FREM2: variants seen among roughly 807,000 people sequenced by gnomAD.
The protein encoded by FREM2 is FRAS1 related extracellular matrix 2.
In FREM2, 119 loss-of-function variants were observed where a neutral mutation model predicts 219.9. That is an observed-to-expected ratio of 0.54 (90% CI 0.47 to 0.63). The LOEUF (loss-of-function observed/expected upper bound fraction) is 0.63. Ranked by LOEUF, FREM2 falls within the 30% of genes least tolerant of loss-of-function variation. The probability of loss-of-function intolerance (pLI) is 0.00; values close to 1 mark genes in which losing one functional copy is unlikely to be tolerated. For synonymous variants in FREM2, 1,562 were observed against 1,522.8 expected (o/e 1.03, Z -0.60); for missense variants, 4,030 against 3,993.6 (o/e 1.01, Z -0.25).
In FREM2 at chr13:38,833,654, C is replaced by T. The variant is rs148624218; in HGVS notation, c.6020-12919C>T. ...CTAGCATATTTTATTGATTTCTTTGCTCAACAGAATTTCTTACATTTTGAG... is the reference window on the plus strand; with the variant it reads ...CTAGCATATTTTATTGATTTCTTTGTTCAACAGAATTTCTTACATTTTGAG... On this transcript the variant is annotated intron_variant, in intron 6 of 23. Coordinates refer to ENST00000280481, the MANE Select transcript of FREM2 (RefSeq NM_207361.6). Among the ~76,000 whole-genome samples, 1,063 of 152,232 alleles carry T rather than the reference C, an allele frequency of 7.0e-3. 15 individuals carry two copies. Among genetic ancestry groups the T allele is most frequent in the African/African-American group, 0.025 (1,030 of 41,548 alleles).
chr13:38,781,152 C>T (rs948917587), intron 4 of FREM2, among the ~76,000 whole-genome samples: 5 of 152,224 alleles, frequency 3.3e-5, no homozygotes, highest in African/African-American at 1.2e-4. Flanking sequence ...TTAGGCTCTC[C>T]TTCTTGTCCA....
In FREM2 at chr13:38,865,260, T is replaced by TAC. The variant is rs148849553; in HGVS notation, c.7983+664_7983+665dup. Among the ~76,000 whole-genome samples the TAC allele has an allele frequency of 5.2e-3, 784 of 152,182 alleles. 32 individuals carry two copies. In the East Asian group the frequency reaches 0.11, roughly 20 times the overall value. ...TACACATTCACACATAAAATACACA[T>TAC]ACACACACACAATCCTCACCCCCAC... On this transcript the variant is annotated intron_variant, in intron 16 of 23. Transcript: ENST00000280481.
At position 38,688,428 on chromosome 13, in the gene FREM2, C is replaced by T. The variant is rs773403483; in HGVS notation, c.1084C>T (p.Pro362Ser). Residue 362 changes from proline (P) to serine (S), a missense_variant, in exon 1 of 24, where the codon CCA becomes TCA. Physicochemically the swap from Pro to Ser is moderately conservative, Grantham distance 74. Coordinates refer to ENST00000280481, the MANE Select transcript of FREM2 (RefSeq NM_207361.6). ...SDLLIFNLTSPFQPGQGYLVS... is the reference protein window; with the variant it reads ...SDLLIFNLTSSFQPGQGYLVS... ...CCTGTTGATCTTCAACCTTACTTCT[C>T]CATTCCAGCCTGGCCAGGGCTACTT... 6.2e-7 allele frequency: 1 copy of T among 1,614,016 alleles called. No homozygotes were observed. The highest frequency in any genetic ancestry group is 8.5e-7 in the Non-Finnish European group (1 of 1,179,930).
chr13:38,706,359 A>G (rs1283013984), intron 2 of FREM2, among the ~76,000 whole-genome samples: 3 of 152,194 alleles, frequency 2.0e-5, no homozygotes, highest in Non-Finnish European at 2.9e-5. Flanking sequence ...GCTTTGTTAT[A>G]TAGAGAATGA....
At chr13:38,837,059 G>A (rs9548474) in intron 6 of FREM2, among the ~76,000 whole-genome samples, 21,505 of 152,026 alleles carry the variant, frequency 0.14, 1,753 homozygotes, top group Admixed American at 0.24. Context: ...GACCTTTCCC[G>A]CTTTCTTCTG....
chr13:38,837,617 G>A (rs986613190), intron 6 of FREM2, among the ~76,000 whole-genome samples: 12 of 152,118 alleles, frequency 7.9e-5, no homozygotes, highest in African/African-American at 2.9e-4. Context: ...ATGAATCTGA[G>A]TGCTCCTGTA....
chr13:38,807,859 A>G (rs1875310836), intron 6 of FREM2, among the ~76,000 whole-genome samples: 1 of 151,970 alleles, frequency 6.6e-6, no homozygotes, highest in South Asian at 2.1e-4. Context: ...TTCAACCTAA[A>G]GTTACCAGCT....
chr13:38,874,474 C>T lies in FREM2; in HGVS notation c.8177-8C>T. 4 of 1,609,086 alleles carry T rather than the reference C, an allele frequency of 2.5e-6. No homozygotes were observed. Among genetic ancestry groups the T allele is most frequent in the East Asian group, 2.2e-5 (1 of 44,844 alleles). On this transcript the variant is annotated splice_region_variant and splice_polypyrimidine_tract_variant and intron_variant, in intron 17 of 23. Transcript: ENST00000280481. ...ATATTTTCATTCTTGGTACTCTCCC[C>T]ATTATAGGTTCTCTCTATCCAACCA... is the stretch of plus-strand genomic sequence containing the variant.
intron 2 of FREM2, among the ~76,000 whole-genome samples, chr13:38,723,819 G>T (rs527696843): frequency 2.6e-5 from 4 of 152,160 alleles, no homozygotes; most frequent in Non-Finnish European, 5.9e-5. Flanking sequence ...GAGCTTTATG[G>T]TTTGTAGCTT....
chr13:38,774,072 C>A (rs1174604468), intron 4 of FREM2, among the ~76,000 whole-genome samples: 1 of 151,774 alleles, frequency 6.6e-6, no homozygotes, highest in Non-Finnish European at 1.5e-5. Flanking sequence ...GTTCTTCTAT[C>A]ATTTTACATG....
chr13:38,718,217 C>T (rs918633135), intron 2 of FREM2, among the ~76,000 whole-genome samples: 5 of 152,060 alleles, frequency 3.3e-5, no homozygotes, highest in African/African-American at 1.2e-4. Flanking sequence ...GTATGACTAC[C>T]TTCTATAACT....
chr13:38,870,595 G>A (rs1438235427), intron 16 of FREM2, among the ~76,000 whole-genome samples: 1 of 152,192 alleles, frequency 6.6e-6, no homozygotes, highest in African/African-American at 2.4e-5. Flanking sequence ...AGGTGATCTA[G>A]ATGGTCAAGA....
intron 6 of FREM2, among the ~76,000 whole-genome samples, chr13:38,831,033 A>T (rs7319670): frequency 0.13 from 19,816 of 152,102 alleles, 2,536 homozygotes; most frequent in African/African-American, 0.34. Flanking sequence ...TGCAGTATAG[A>T]TCTGTGACCA....
intron 6 of FREM2, among the ~76,000 whole-genome samples, chr13:38,813,940 A>C (rs1048882070): frequency 1.3e-5 from 2 of 151,854 alleles, no homozygotes; most frequent in African/African-American, 4.8e-5. Flanking sequence ...CTTTAAGCTC[A>C]CTAATTCTTT....
chr13:38,706,819 C>A (rs909454784), intron 2 of FREM2, among the ~76,000 whole-genome samples: 1 of 152,004 alleles, frequency 6.6e-6, no homozygotes. Context: ...CTACAATATC[C>A]CAATGAGTTC....
chr13:38,706,007 G>T (rs193163330), intron 2 of FREM2, among the ~76,000 whole-genome samples: 2 of 152,134 alleles, frequency 1.3e-5, no homozygotes, highest in East Asian at 3.8e-4. Context: ...TATTTCACAC[G>T]TTGTAAGTAG....
intron 3 of FREM2, among the ~76,000 whole-genome samples, chr13:38,769,193 A>T (rs1873555521): frequency 6.6e-6 from 1 of 151,916 alleles, no homozygotes; most frequent in South Asian, 2.1e-4. Flanking sequence ...AATGTTTCTT[A>T]TTTTTTTTAT....
At chr13:38,864,202 TAAA>T in intron 15 of FREM2, 70 bp from the exon 16 acceptor site, 1 of 1,128,290 alleles carries the variant, frequency 8.9e-7, no homozygotes, top group Non-Finnish European at 1.3e-6. Context: ...TCTTAAGAGA[TAAA>T]GAAGTTTTAA....
chr13:38,811,653 T>G (rs1410317032), intron 6 of FREM2, among the ~76,000 whole-genome samples: 1 of 152,156 alleles, frequency 6.6e-6, no homozygotes, highest in Non-Finnish European at 1.5e-5. Flanking sequence ...TCTATAGTGG[T>G]CAGAGAATAT....
Sources: gnomAD v4.1 joint callset for allele counts (sites outside exome capture counted in the v4.1 genomes callset) on GRCh38, gnomAD v4.1.1 for gene constraint, MANE v1.5 for transcripts, NCBI Gene and HGNC (gene_info 2026-07-23, HGNC 2026-07-21) for gene names.